Variants in KNG1 observed in about 807,000 individuals in gnomAD.
The protein encoded by KNG1 is kininogen-1.
In KNG1, 23 loss-of-function variants were observed where a neutral mutation model predicts 47.8. The ratio of observed to expected loss-of-function variants is 0.48; its 90% CI spans 0.35 to 0.68. The LOEUF (loss-of-function observed/expected upper bound fraction) is 0.68. KNG1 is among the 30% of genes least tolerant of loss of function. The pLI is 0.01. For synonymous variants in KNG1, 277 were observed against 277.0 expected (o/e 1.00, Z 0.00); for missense variants, 762 against 790.2 (o/e 0.96, Z 0.43).
intron 2 of KNG1, 46 bp downstream of exon 2, chr3:186,720,261 C>A: frequency 7.9e-7 from 1 of 1,269,096 alleles, no homozygotes; most frequent in Non-Finnish European, 1.1e-6. Flanking sequence ...CTCCGTTGAC[C>A]CTGCCAGATT....
chr3:186,738,683 C>G (rs1720726669), intron 7 of KNG1: 1 of 210,498 alleles, frequency 4.8e-6, no homozygotes, highest in Admixed American at 5.3e-5. Context: ...CCCATCTCTA[C>G]TAAAAATATA....
chr3:186,718,818 G>T (rs1434085726), intron 1 of KNG1, among the ~76,000 whole-genome samples: 1 of 152,170 alleles, frequency 6.6e-6, no homozygotes, highest in Non-Finnish European at 1.5e-5. Flanking sequence ...AATGTACTGG[G>T]TTTAACAGCA....
At chr3:186,739,438 G>C in intron 9 of KNG1, 24 bp downstream of exon 9, 1 of 1,454,804 alleles carries the variant, frequency 6.9e-7, no homozygotes, top group South Asian at 1.1e-5. Flanking sequence ...TACAGTCAGC[G>C]TGGGGTCAGT....
chr3:186,720,119 G>A lies in KNG1; in HGVS notation c.210G>A (p.Thr70=), dbSNP rs1330536564. The A allele has an allele frequency of 5.6e-6, 9 of 1,613,374 alleles. No individual in the cohort carries two copies. Among genetic ancestry groups the A allele is most frequent in the South Asian group, 2.2e-5 (2 of 91,062 alleles). The change falls in exon 2 of 10, where the codon ACG becomes ACA. Residue 70 remains threonine, a synonymous_variant. Transcript: ENST00000644859. Reference sequence around the variant, plus strand: ...CTGCTTTTCAGGTTGGCTCTGACACGTTTTATTCCTTCAAGTACGAAATCA... The same window carrying A: ...CTGCTTTTCAGGTTGGCTCTGACACATTTTATTCCTTCAAGTACGAAATCA... ...TEATKTVGSD[T]FYSFKYEIKE...
chr3:186,723,555 C>T (rs1245643468), intron 3 of KNG1, among the ~76,000 whole-genome samples: 3 of 152,160 alleles, frequency 2.0e-5, no homozygotes, highest in East Asian at 1.9e-4. Context: ...TTTCACTTAA[C>T]GACCTCTAGT....
In KNG1 at chr3:186,741,797, A is replaced by G. The variant is rs1409876388; in HGVS notation, c.1401A>G (p.Gln467=). ...ATGGCCTTGGCCATGGACACGAACAACAGCATGGTCTTGGTCATGGACATA... is the reference window on the plus strand; with the variant it reads ...ATGGCCTTGGCCATGGACACGAACAGCAGCATGGTCTTGGTCATGGACATA... ...RGHGLGHGHE[Q]QHGLGHGHKF... Residue 467 remains glutamine (Q), a synonymous_variant, in exon 10 of 10, where the codon CAA becomes CAG. Coordinates refer to ENST00000644859, the MANE Select transcript of KNG1 (RefSeq NM_001102416.3). 8.7e-6 allele frequency: 14 copies of G among 1,613,836 alleles called. No individual in the cohort carries two copies. Among genetic ancestry groups the G allele is most frequent in the Non-Finnish European group, 8.5e-6 (10 of 1,179,940 alleles).
chr3:186,741,681 C>T lies in KNG1; in HGVS notation c.1285C>T (p.His429Tyr), dbSNP rs781254987. The stretch of plus-strand genomic sequence containing the variant: ...AAAAGAACAAGGGCATACTCGTAGA[C>T]ATGACTGGGGCCATGAAAAACAAAG... ...SGKEQGHTRRHDWGHEKQRKH... is the reference protein window; with the variant it reads ...SGKEQGHTRRYDWGHEKQRKH... Residue 429 changes from histidine to tyrosine, a missense_variant, in exon 10 of 10, where the codon CAT (histidine) becomes TAT (tyrosine). By Grantham distance (83) the His-to-Tyr change is moderately conservative. Coordinates refer to ENST00000644859, the MANE Select transcript of KNG1 (RefSeq NM_001102416.3). The T allele has an allele frequency of 1.2e-6, 2 of 1,614,212 alleles. No individual in the cohort carries two copies. Among genetic ancestry groups the T allele is most frequent in the Non-Finnish European group, 1.7e-6 (2 of 1,180,040 alleles).
chr3:186,730,233 G>A (rs1464379546), intron 5 of KNG1, among the ~76,000 whole-genome samples: 1 of 150,262 alleles, frequency 6.7e-6, no homozygotes, highest in Non-Finnish European at 1.5e-5. Flanking sequence ...GTTTTTGTTT[G>A]TTTAAACATG....
In KNG1 at chr3:186,742,310, T is replaced by A; in HGVS notation, c.1914T>A (p.Asp638Glu). Residue 638 changes from aspartate (D) to glutamate (E), a missense_variant, in exon 10 of 10, where the codon GAT becomes GAA. By Grantham distance (45) the Asp-to-Glu change is conservative. Coordinates refer to ENST00000644859, the MANE Select transcript of KNG1 (RefSeq NM_001102416.3). ...AAATGAAAGAATCTTATTATTTCGA[T>A]CTCACTGATGGCCTTTCTTAATTTA... The part of the protein sequence containing the change: ...TTQMKESYYF[D>E]LTDGLS The A allele has an allele frequency of 6.2e-7, 1 of 1,614,178 alleles. No homozygotes were observed. The highest frequency in any genetic ancestry group is 8.5e-7 in the Non-Finnish European group (1 of 1,180,018).
At chr3:186,732,745 G>A (rs191916226) in intron 7 of KNG1, 71 bp downstream of exon 7, 244 of 1,236,896 alleles carry the variant, frequency 2.0e-4, no homozygotes, top group Admixed American at 8.4e-4. Flanking sequence ...TTTTGCCACT[G>A]ATCTTGGCTC....
At chr3:186,723,657 T>C (rs765844218) in intron 3 of KNG1, among the ~76,000 whole-genome samples, 7 of 150,660 alleles carry the variant, frequency 4.6e-5, no homozygotes, top group Middle Eastern at 3.2e-3. Flanking sequence ...ATTTCTTTCT[T>C]TTTTTTTTTC....
chr3:186,719,076 T>G (rs1050505610), intron 1 of KNG1, among the ~76,000 whole-genome samples: 1 of 152,130 alleles, frequency 6.6e-6, no homozygotes, highest in African/African-American at 2.4e-5. Flanking sequence ...TTTCTGAAAG[T>G]AAAATCGAGC....
At chr3:186,717,821 C>CACA in intron 1 of KNG1, 84 bp downstream of exon 1, 1 of 906,784 alleles carries the variant, frequency 1.1e-6, no homozygotes, top group Non-Finnish European at 1.7e-6. Flanking sequence ...CACACACATA[C>CACA]CACCACCAGC....
rs398063105 is a variant in KNG1 at position 186,719,728 on chromosome 3, CA to C, written c.196-363del. 1.8e-3 allele frequency among the ~76,000 whole-genome samples: 211 copies of C among 119,198 alleles called. 1 individual carries two copies. The highest frequency in any genetic ancestry group is 0.01 in the South Asian group (43 of 4,102). The allele number at this position is 119,198 out of a possible 152,430, so 78.2% of individuals were successfully genotyped here. ...TGGGCGACAGAGCGAGACTCCATCTCAAAAAAAAAAAAAAGAAATGTTTGCT... is the reference window on the plus strand; with the variant it reads ...TGGGCGACAGAGCGAGACTCCATCTCAAAAAAAAAAAAAGAAATGTTTGCT... On this transcript the variant is annotated intron_variant, in intron 1 of 9. Coordinates refer to ENST00000644859, the MANE Select transcript of KNG1 (RefSeq NM_001102416.3).
At chr3:186,731,335 GT>G (rs1301414074) in intron 5 of KNG1, among the ~76,000 whole-genome samples, 1 of 151,786 alleles carries the variant, frequency 6.6e-6, no homozygotes, top group Non-Finnish European at 1.5e-5. Flanking sequence ...TGCTTTCCAT[GT>G]GCTCATGTAT....
At chr3:186,733,617 C>A (rs2108631355) in intron 7 of KNG1, among the ~76,000 whole-genome samples, 1 of 152,284 alleles carries the variant, frequency 6.6e-6, no homozygotes, top group Admixed American at 6.5e-5. Context: ...TCTGGGTGGT[C>A]ATTCAAACGT....
intron 7 of KNG1, among the ~76,000 whole-genome samples, chr3:186,737,529 G>A (rs1415842338): frequency 1.3e-5 from 2 of 151,842 alleles, no homozygotes; most frequent in East Asian, 1.9e-4. Context: ...TTATTTATTT[G>A]TTTAGTTGTT....
In KNG1 at chr3:186,731,606, C is replaced by T; in HGVS notation, c.734C>T (p.Ser245Leu). ...IDIQLRIASF[S>L]QNCDIYPGKD... Reference sequence around the variant, plus strand: ...ATTCAGCTACGAATTGCTTCCTTCTCACAGAACTGTGACATTTATCCAGGT... The same window carrying T: ...ATTCAGCTACGAATTGCTTCCTTCTTACAGAACTGTGACATTTATCCAGGT... Residue 245 changes from serine to leucine, a missense_variant, in exon 6 of 10, where the codon TCA becomes TTA. Transcript: ENST00000644859. The T allele has an allele frequency of 6.2e-7, 1 of 1,604,604 alleles. No homozygotes were observed. The highest frequency in any genetic ancestry group is 8.5e-7 in the Non-Finnish European group (1 of 1,171,328).
At chr3:186,720,805 T>TTTTTTTTTTG (rs1553790786) in intron 2 of KNG1, among the ~76,000 whole-genome samples, 2 of 140,076 alleles carry the variant, frequency 1.4e-5, no homozygotes, top group African/African-American at 2.7e-5. Context: ...TTTTTTTTTT[T>TTTTTTTTTTG]TTGAGCCAGA....
Sources: allele counts gnomAD v4.1 joint callset (sites outside exome capture counted in the v4.1 genomes callset), GRCh38; gene constraint gnomAD v4.1.1; transcripts MANE v1.5; gene names NCBI Gene and HGNC (gene_info 2026-07-23, HGNC 2026-07-21).